Variants in PTGER3 observed in about 807,000 individuals in gnomAD.
PTGER3 encodes prostaglandin E receptor 3, also known as prostaglandin E2 receptor EP3 subtype.
PTGER3 carries 22 observed loss-of-function variants against 34.7 expected under a neutral mutation model. The observed-to-expected ratio is 0.63, with a 90% CI of 0.45 to 0.91. The LOEUF (loss-of-function observed/expected upper bound fraction) is 0.91. Ranked by LOEUF, PTGER3 falls within the 40% of genes least tolerant of loss-of-function variation. The probability of loss-of-function intolerance (pLI) is 0.00; values close to 1 mark genes in which losing one functional copy is unlikely to be tolerated. For missense variants in PTGER3, 468 were observed against 519.4 expected (o/e 0.90, Z 0.96); for synonymous variants, 241 against 230.1 (o/e 1.05, Z -0.43).
At chr1:71,007,406 C>T (rs1657066855) in intron 2 of PTGER3, 1 of 985,528 alleles carries the variant, frequency 1.0e-6, no homozygotes, top group Non-Finnish European at 1.2e-6. Context: ...GTTCAGCAGT[C>T]AATAATGGCC....
At chr1:70,852,552 C>T (rs1195953426) in exon 5 of PTGER3, 6 of 448,314 alleles carry the variant, frequency 1.3e-5, no homozygotes, top group Non-Finnish European at 3.9e-6. Context: ...ACATAATTTT[C>T]AATAAAAAAA....
At chr1:71,039,507 G>T (rs571840076) in intron 1 of PTGER3, among the ~76,000 whole-genome samples, 5 of 151,682 alleles carry the variant, frequency 3.3e-5, no homozygotes, top group Non-Finnish European at 7.4e-5. Flanking sequence ...AAAATTAGCC[G>T]GGTGTGGTGG....
downstream of PTGER3, chr1:70,947,549 T>G (rs937874156): frequency 2.0e-5 from 3 of 152,174 alleles, no homozygotes; most frequent in Admixed American, 1.3e-4. Flanking sequence ...AAAAATGGAC[T>G]AATACAGTAG....
chr1:71,044,602 C>T lies in PTGER3; in HGVS notation c.897+2079G>A, dbSNP rs143320419. ...AATTAAGTAAGACTAGTTTCAAATGCAGTCTTTCTTGAAAGAGTGAGTTTG... is the reference window on the plus strand; with the variant it reads ...AATTAAGTAAGACTAGTTTCAAATGTAGTCTTTCTTGAAAGAGTGAGTTTG... On this transcript the variant is annotated intron_variant, in intron 1 of 3. Transcript: ENST00000306666. 3.7e-3 allele frequency among the ~76,000 whole-genome samples: 559 copies of T among 152,142 alleles called. 5 individuals carry two copies. Among genetic ancestry groups the T allele is most frequent in the African/African-American group, 0.013 (531 of 41,500 alleles).
At chr1:70,952,450 T>C in exon 4 of PTGER3, 1 of 985,788 alleles carries the variant, frequency 1.0e-6, no homozygotes, top group Non-Finnish European at 1.2e-6. Context: ...AATTAGAATG[T>C]GTTTTAATAA....
intron 4 of PTGER3, among the ~76,000 whole-genome samples, chr1:70,926,194 T>A (rs748627745): frequency 2.6e-5 from 4 of 152,110 alleles, no homozygotes; most frequent in Non-Finnish European, 5.9e-5. Context: ...TATTTAAGAG[T>A]AGTTTTTTCC....
chr1:70,922,619 G>T (rs61777126), intron 4 of PTGER3, among the ~76,000 whole-genome samples: 1 of 151,656 alleles, frequency 6.6e-6, no homozygotes, highest in Non-Finnish European at 1.5e-5. Flanking sequence ...TACTTACCAA[G>T]GCTTTCACCA....
chr1:70,937,059 A>C (rs1459247243), intron 4 of PTGER3, among the ~76,000 whole-genome samples: 1 of 152,214 alleles, frequency 6.6e-6, no homozygotes, highest in African/African-American at 2.4e-5. Context: ...GTACACTTGA[A>C]TAGGGCTCCT....
intron 4 of PTGER3, among the ~76,000 whole-genome samples, chr1:70,927,213 A>AT (rs1354631726): frequency 6.6e-6 from 1 of 152,058 alleles, no homozygotes; most frequent in Non-Finnish European, 1.5e-5. Flanking sequence ...GTTAAGGAGG[A>AT]TTCCCTCTTT....
At chr1:70,996,552 G>C (rs1039435409) in intron 2 of PTGER3, among the ~76,000 whole-genome samples, 12 of 149,616 alleles carry the variant, frequency 8.0e-5, no homozygotes, top group South Asian at 2.1e-4. Context: ...GCTCCGCCTC[G>C]TGGGTTCATG....
At chr1:71,020,697 AGTGTGTGTGTGTGTGT>A (rs112981971) in intron 1 of PTGER3, among the ~76,000 whole-genome samples, 1 of 144,788 alleles carries the variant, frequency 6.9e-6, no homozygotes, top group Non-Finnish European at 1.5e-5. Flanking sequence ...ATGTTAGCAG[AGTGTGTGTGTGTGTGT>A]GTGTGTGTGT....
At chr1:70,945,692 T>TA (rs976030956) in intron 4 of PTGER3, among the ~76,000 whole-genome samples, 1 of 152,176 alleles carries the variant, frequency 6.6e-6, no homozygotes, top group African/African-American at 2.4e-5. Flanking sequence ...AAGCTGTTTT[T>TA]ATCTTTTGAA....
intron 2 of PTGER3, among the ~76,000 whole-genome samples, chr1:70,995,029 T>C (rs1287471390): frequency 6.6e-6 from 1 of 152,030 alleles, no homozygotes; most frequent in Admixed American, 6.6e-5. Context: ...CTCACTGTAA[T>C]ATAAGTAGAG....
At chr1:70,930,747 T>C (rs1648606601) in intron 4 of PTGER3, among the ~76,000 whole-genome samples, 2 of 152,126 alleles carry the variant, frequency 1.3e-5, no homozygotes, top group South Asian at 4.1e-4. Flanking sequence ...AACCGCCCCA[T>C]GGTTCAAATT....
At chr1:70,972,053 C>T (rs181902557) in intron 3 of PTGER3, among the ~76,000 whole-genome samples, 228 of 152,244 alleles carry the variant, frequency 1.5e-3, no homozygotes, top group African/African-American at 5.2e-3. Context: ...GTAGGCCAGA[C>T]GCGGTGGTTC....
At chr1:70,933,650 A>G (rs1171913217) in intron 4 of PTGER3, among the ~76,000 whole-genome samples, 3 of 152,200 alleles carry the variant, frequency 2.0e-5, no homozygotes, top group South Asian at 4.1e-4. Context: ...CTTCAGAAGC[A>G]GAAGACCCTT....
chr1:70,919,487 T>C (rs1335021929), intron 4 of PTGER3, among the ~76,000 whole-genome samples: 1 of 152,186 alleles, frequency 6.6e-6, no homozygotes, highest in Non-Finnish European at 1.5e-5. Context: ...AAAGCATATT[T>C]ACCTAAAGAA....
At chr1:70,960,725 G>A (rs1651847795) in intron 2 of PTGER3, among the ~76,000 whole-genome samples, 1 of 152,068 alleles carries the variant, frequency 6.6e-6, no homozygotes, top group Admixed American at 6.6e-5. Context: ...AAGTTAAAAA[G>A]GGCCACAAAA....
At chr1:70,902,460 A>G (rs941337994) in intron 4 of PTGER3, among the ~76,000 whole-genome samples, 4 of 152,230 alleles carry the variant, frequency 2.6e-5, no homozygotes, top group Non-Finnish European at 5.9e-5. Flanking sequence ...CATGAGAAAA[A>G]CAACACTCAG....
Sources: gnomAD v4.1 joint callset for allele counts (sites outside exome capture counted in the v4.1 genomes callset) on GRCh38, gnomAD v4.1.1 for gene constraint, MANE v1.5 for transcripts, NCBI Gene and HGNC (gene_info 2026-07-23, HGNC 2026-07-21) for gene names.